The following DNM2 variants were observed in gnomAD, a reference collection of about 807,000 sequenced individuals.
DNM2 encodes dynamin 2.
A neutral mutation model predicts 99.0 loss-of-function variants in DNM2; 15 were observed. That is an observed-to-expected ratio of 0.15 (90% CI 0.10 to 0.23). The LOEUF (loss-of-function observed/expected upper bound fraction) is 0.23. Ranked by LOEUF, DNM2 falls within the 10% of genes least tolerant of loss-of-function variation. The pLI, the probability that DNM2 is intolerant of heterozygous loss-of-function variation, is 1.00. For synonymous variants in DNM2, 525 were observed against 481.2 expected (o/e 1.09, Z -1.19); for missense variants, 742 against 1,189.4 (o/e 0.62, Z 5.53).
At chr19:10,784,602 G>C (rs1262961420) in intron 6 of DNM2, among the ~76,000 whole-genome samples, 1 of 152,036 alleles carries the variant, frequency 6.6e-6, no homozygotes, top group Non-Finnish European at 1.5e-5. Flanking sequence ...AAGTGCCCTA[G>C]TATCCTGTCA....
chr19:10,779,934 A>G (rs1472177795), intron 5 of DNM2, among the ~76,000 whole-genome samples: 3 of 152,072 alleles, frequency 2.0e-5, no homozygotes, highest in African/African-American at 4.8e-5. Context: ...GATTAAAGGC[A>G]TGAGCCACCG....
At chr19:10,783,338 A>G (rs1220178109) in intron 6 of DNM2, among the ~76,000 whole-genome samples, 1 of 152,184 alleles carries the variant, frequency 6.6e-6, no homozygotes, top group African/African-American at 2.4e-5. Context: ...ATGGTGGCAC[A>G]TGCCTGTAGT....
At chr19:10,822,917 G>A (rs948404340) in intron 16 of DNM2, among the ~76,000 whole-genome samples, 33 of 151,494 alleles carry the variant, frequency 2.2e-4, no homozygotes, top group Middle Eastern at 3.4e-3. Flanking sequence ...TCATCCTGGC[G>A]AACACGGTGA....
intron 1 of DNM2, among the ~76,000 whole-genome samples, chr19:10,718,985 G>C (rs1392915881): frequency 6.6e-6 from 1 of 152,156 alleles, no homozygotes; most frequent in African/African-American, 2.4e-5. Flanking sequence ...CCGCCCATCC[G>C]TGCCCCTCAC....
intron 1 of DNM2, among the ~76,000 whole-genome samples, chr19:10,736,692 CTG>C (rs1451341067): frequency 6.6e-6 from 1 of 152,156 alleles, no homozygotes; most frequent in Non-Finnish European, 1.5e-5. Context: ...GCGTGAACCA[CTG>C]TGCCCAGCTG....
intron 1 of DNM2, among the ~76,000 whole-genome samples, chr19:10,727,114 C>T (rs1599422433): frequency 6.6e-6 from 1 of 152,160 alleles, no homozygotes; most frequent in East Asian, 1.9e-4. Context: ...ATCGTCTCCC[C>T]ATGTGATTCT....
rs1424410297 is a variant in DNM2 at position 10,819,875 on chromosome 19, A to G, written c.1672-105A>G. On this transcript the variant is annotated intron_variant, in intron 15 of 20. Coordinates refer to ENST00000389253, the MANE Select transcript of DNM2 (RefSeq NM_001005361.3). ...TCATATACAGCAGCGACCAGCATTG[A>G]GAAGCCCCCGGGGCTGGTGGTGGCG... 3 of 1,041,032 alleles carry G rather than the reference A, an allele frequency of 2.9e-6. No homozygotes were observed. In the African/African-American group the frequency reaches 4.7e-5, roughly 16 times the overall value. 64.5% of individuals were successfully genotyped at this position (1,041,032 alleles called of 1,614,324 possible).
chr19:10,737,291 T>C (rs144456478), intron 1 of DNM2, among the ~76,000 whole-genome samples: 29 of 152,260 alleles, frequency 1.9e-4, no homozygotes, highest in African/African-American at 7.0e-4. Flanking sequence ...CTGCCTGCAC[T>C]GCCCTTCCCC....
chr19:10,749,478 T>G (rs1338648587), intron 1 of DNM2, among the ~76,000 whole-genome samples: 1 of 152,186 alleles, frequency 6.6e-6, no homozygotes, highest in Non-Finnish European at 1.5e-5. Flanking sequence ...TGAAACCTGC[T>G]CTGGTGGGGT....
chr19:10,731,087 G>A (rs184960695), intron 1 of DNM2, among the ~76,000 whole-genome samples: 144 of 152,252 alleles, frequency 9.5e-4, no homozygotes, highest in Non-Finnish European at 1.0e-3. Flanking sequence ...CCAGTCAAGC[G>A]GGCAGGAGCA....
intron 14 of DNM2, chr19:10,809,783 G>A (rs1251218304): frequency 6.6e-6 from 1 of 152,336 alleles, no homozygotes; most frequent in Non-Finnish European, 1.5e-5. Flanking sequence ...GGCTCTTCTG[G>A]CAATCCCAGG....
Position 10,818,439 on chromosome 19 carries a change from G to A in DNM2, c.1672-1541G>A, listed in dbSNP as rs1158090563. On this transcript the variant is annotated intron_variant, in intron 15 of 20. Coordinates refer to ENST00000389253, the MANE Select transcript of DNM2 (RefSeq NM_001005361.3). The surrounding 1 kb of genome is among the most constrained non-coding windows in gnomAD (Gnocchi z 4.3). Reference sequence around the variant, plus strand: ...TCCTCCATCCTCCTTGGATAGATGAGGAAACTGAGATGAAATGGGAGGTGG... The same window carrying A: ...TCCTCCATCCTCCTTGGATAGATGAAGAAACTGAGATGAAATGGGAGGTGG... 6.6e-6 allele frequency among the ~76,000 whole-genome samples: 1 copy of A among 152,230 alleles called. No homozygotes were observed. The highest frequency in any genetic ancestry group is 2.4e-5 in the African/African-American group (1 of 41,460).
At position 10,796,128 on chromosome 19, in the gene DNM2, G is replaced by A; in HGVS notation, c.1196+689G>A. On this transcript the variant is annotated intron_variant, in intron 9 of 20. Transcript: ENST00000389253. This position sits in a 1 kb window ranked among gnomAD's most constrained non-coding sequence, Gnocchi z 5.6. ...GAAAAAGCAGGTCGTCAAGCTGAAA[G>A]AGCCCTGTCTGAAATGTGTCGACCT... 1.2e-6 allele frequency: 2 copies of A among 1,614,190 alleles called. No homozygotes were observed. The highest frequency in any genetic ancestry group is 1.1e-5 in the South Asian group (1 of 91,090).
At chr19:10,752,104 T>C (rs1285653535) in intron 1 of DNM2, among the ~76,000 whole-genome samples, 1 of 152,328 alleles carries the variant, frequency 6.6e-6, no homozygotes, top group East Asian at 1.9e-4. Context: ...GGAAGGGATG[T>C]CTGTAGTGAA....
chr19:10,734,895 G>GT (rs1424171122), intron 1 of DNM2, among the ~76,000 whole-genome samples: 4 of 150,286 alleles, frequency 2.7e-5, no homozygotes, highest in Non-Finnish European at 5.9e-5. Flanking sequence ...GCCCTTCCTT[G>GT]TTTTTTATAA....
chr19:10,829,320 C>T, intron 19 of DNM2, 52 bp downstream of exon 19: 1 of 1,593,406 alleles, frequency 6.3e-7, no homozygotes, highest in Non-Finnish European at 8.5e-7. Context: ...CAGGTTCCTG[C>T]CCTCCCTGTG....
chr19:10,767,096 CA>C (rs1297573927), intron 2 of DNM2, among the ~76,000 whole-genome samples: 1 of 151,990 alleles, frequency 6.6e-6, no homozygotes, highest in African/African-American at 2.4e-5. Flanking sequence ...GGGACCGGGA[CA>C]GGCAGAGCCA....
chr19:10,731,674 A>G (rs1021033208), intron 1 of DNM2, among the ~76,000 whole-genome samples: 2 of 152,126 alleles, frequency 1.3e-5, no homozygotes, highest in Non-Finnish European at 2.9e-5. Context: ...TCTTTTCTAC[A>G]TCAACATCAG....
chr19:10,727,518 A>G (rs1022939763), intron 1 of DNM2, among the ~76,000 whole-genome samples: 1 of 151,944 alleles, frequency 6.6e-6, no homozygotes, highest in African/African-American at 2.4e-5. Context: ...GGTGTGCGCC[A>G]CCACCCCCAG....
Sources: allele counts gnomAD v4.1 joint callset (sites outside exome capture counted in the v4.1 genomes callset), GRCh38; gene constraint gnomAD v4.1.1; non-coding constraint Gnocchi (gnomAD v3.1); transcripts MANE v1.5; gene names NCBI Gene and HGNC (gene_info 2026-07-23, HGNC 2026-07-21).